PLA2G4A: variants seen among roughly 807,000 people sequenced by gnomAD.
PLA2G4A encodes the protein cytosolic phospholipase A2.
In PLA2G4A, 40 loss-of-function variants were observed where a neutral mutation model predicts 81.9. The ratio of observed to expected loss-of-function variants is 0.49; its 90% CI spans 0.38 to 0.64. The LOEUF (loss-of-function observed/expected upper bound fraction) is 0.64, where lower values mean the gene tolerates loss of function less well. Ranked by LOEUF, PLA2G4A falls within the 30% of genes least tolerant of loss-of-function variation. The pLI, the probability that PLA2G4A is intolerant of heterozygous loss-of-function variation, is 0.00. For synonymous variants in PLA2G4A, 302 were observed against 296.9 expected (o/e 1.02, Z -0.18); for missense variants, 715 against 905.1 (o/e 0.79, Z 2.69).
chr1:186,968,785 A>G (rs1312907944), intron 15 of PLA2G4A, among the ~76,000 whole-genome samples: 1 of 151,662 alleles, frequency 6.6e-6, no homozygotes, highest in African/African-American at 2.4e-5. Flanking sequence ...TCTAGTAAAT[A>G]TTTTCAGATT....
chr1:186,836,142 A>G (rs1248244011), intron 1 of PLA2G4A, among the ~76,000 whole-genome samples: 1 of 151,828 alleles, frequency 6.6e-6, no homozygotes, highest in East Asian at 1.9e-4. Context: ...TGATCAATAT[A>G]TTATGTATTA....
Position 186,862,263 on chromosome 1 carries a change from G to A in PLA2G4A, c.33+7876G>A, listed in dbSNP as rs113262151. On this transcript the variant is annotated intron_variant, in intron 2 of 17. Coordinates refer to ENST00000367466, the MANE Select transcript of PLA2G4A (RefSeq NM_024420.3). ...AGGGTCTCACACTGTCACCCAGGCT[G>A]GAGTGCAGTGGTGAGATCTTGGCTC... Among the ~76,000 whole-genome samples, 847 of 127,026 alleles carry A rather than the reference G, an allele frequency of 6.7e-3. 12 individuals carry two copies. Among genetic ancestry groups the A allele is most frequent in the African/African-American group, 0.025 (799 of 31,876 alleles). 83.3% of individuals were successfully genotyped at this position (127,026 alleles called of 152,430 possible). A position where few individuals can be genotyped will look rare whatever the true frequency, so the allele number is the denominator to read the frequency against.
In PLA2G4A at chr1:186,946,958, T is replaced by C. The variant is rs1172775590; in HGVS notation, c.1261T>C (p.Leu421=). 3 of 1,557,606 alleles carry C rather than the reference T, an allele frequency of 1.9e-6. No homozygotes were observed. Among genetic ancestry groups the C allele is most frequent in the South Asian group, 2.2e-5 (2 of 89,980 alleles). ...CAGAGGCTCCACAATGGAGGAAGAA[T>C]TAGGTATCCTAAAGATATGCTTACA... ...QSRGSTMEEE[L]ENITTKHIVS... is the part of the protein sequence containing the mutation. Residue 421 remains leucine (L), a synonymous_variant, in exon 12 of 18, where the codon TTA becomes CTA. Coordinates refer to ENST00000367466, the MANE Select transcript of PLA2G4A (RefSeq NM_024420.3).
At chr1:186,979,683 T>G (rs1353508757) in intron 17 of PLA2G4A, among the ~76,000 whole-genome samples, 1 of 152,178 alleles carries the variant, frequency 6.6e-6, no homozygotes, top group Non-Finnish European at 1.5e-5. Context: ...TGCTATTATT[T>G]TATTGAATGA....
At chr1:186,958,146 C>T (rs1656821042) in intron 14 of PLA2G4A, among the ~76,000 whole-genome samples, 1 of 151,938 alleles carries the variant, frequency 6.6e-6, no homozygotes, top group South Asian at 2.1e-4. Context: ...TTAGTGCAAA[C>T]TCATTATATT....
intron 10 of PLA2G4A, among the ~76,000 whole-genome samples, chr1:186,942,318 G>A (rs987509876): frequency 6.6e-6 from 1 of 152,102 alleles, no homozygotes; most frequent in African/African-American, 2.4e-5. Context: ...TTGCATGCTA[G>A]TCAGATTTTT....
At chr1:186,937,056 TCTCA>T (rs1228825822) in intron 8 of PLA2G4A, among the ~76,000 whole-genome samples, 1 of 151,310 alleles carries the variant, frequency 6.6e-6, no homozygotes, top group African/African-American at 2.4e-5. Context: ...TTTGAGATAA[TCTCA>T]CTCAGTTAGA....
intron 1 of PLA2G4A, among the ~76,000 whole-genome samples, chr1:186,846,570 T>C (rs1290802095): frequency 1.3e-5 from 2 of 152,158 alleles, no homozygotes; most frequent in African/African-American, 4.8e-5. Flanking sequence ...AAACTGACAT[T>C]GGTACAGTGC....
intron 15 of PLA2G4A, among the ~76,000 whole-genome samples, chr1:186,970,239 G>T (rs1191920808): frequency 6.6e-6 from 1 of 151,818 alleles, no homozygotes; most frequent in East Asian, 1.9e-4. Context: ...CAGATCTTTT[G>T]CCCGTTTAAA....
At position 186,967,458 on chromosome 1, in the gene PLA2G4A, A is replaced by C. The variant is rs4650711; in HGVS notation, c.1764+1865A>C. Among the ~76,000 whole-genome samples, 385 of 152,168 alleles carry C rather than the reference A, an allele frequency of 2.5e-3. 3 individuals are homozygous for C. In the East Asian group the frequency reaches 0.026, roughly 10 times the overall value. On this transcript the variant is annotated intron_variant, in intron 15 of 17. Transcript: ENST00000367466. ...GCTGCCTTCTTTGTGCACACTGTTCATGAACTCTTTTCTGTGTAGTGTGCT... is the reference window on the plus strand; with the variant it reads ...GCTGCCTTCTTTGTGCACACTGTTCCTGAACTCTTTTCTGTGTAGTGTGCT...
intron 2 of PLA2G4A, among the ~76,000 whole-genome samples, chr1:186,861,728 G>A (rs2102042191): frequency 6.6e-6 from 1 of 152,162 alleles, no homozygotes; most frequent in Middle Eastern, 3.4e-3. Flanking sequence ...AAATTCTAAT[G>A]TTGGAGTCTG....
chr1:186,959,234 G>A (rs1017819689), intron 14 of PLA2G4A, among the ~76,000 whole-genome samples: 2 of 152,006 alleles, frequency 1.3e-5, no homozygotes, highest in African/African-American at 4.8e-5. Flanking sequence ...AGTTGATTGC[G>A]GGTGTTCGCA....
chr1:186,848,467 CTT>C (rs1418190317), intron 1 of PLA2G4A, among the ~76,000 whole-genome samples: 2 of 152,122 alleles, frequency 1.3e-5, no homozygotes, highest in Non-Finnish European at 2.9e-5. Flanking sequence ...AGGAGAGAGA[CTT>C]TAACTCAACG....
intron 12 of PLA2G4A, among the ~76,000 whole-genome samples, chr1:186,947,516 T>C (rs1656387359): frequency 6.6e-6 from 1 of 152,216 alleles, no homozygotes; most frequent in African/African-American, 2.4e-5. Context: ...TTACAAAACC[T>C]GAGAAAGTAG....
intron 3 of PLA2G4A, among the ~76,000 whole-genome samples, chr1:186,892,071 T>G (rs1421881325): frequency 2.6e-5 from 4 of 152,326 alleles, no homozygotes; most frequent in African/African-American, 9.6e-5. Context: ...ATATGCTTGT[T>G]TCCCATTTGT....
At chr1:186,967,932 T>C (rs1229417979) in intron 15 of PLA2G4A, among the ~76,000 whole-genome samples, 1 of 152,024 alleles carries the variant, frequency 6.6e-6, no homozygotes. Flanking sequence ...AGTTGGAGAA[T>C]GGAAGGCAAG....
intron 6 of PLA2G4A, among the ~76,000 whole-genome samples, chr1:186,910,021 A>G (rs866971716): frequency 2.0e-5 from 3 of 152,270 alleles, no homozygotes; most frequent in Middle Eastern, 3.4e-3. Context: ...TATTTAAAAT[A>G]TTTTAATATC....
At chr1:186,891,353 T>C (rs1483377543) in intron 3 of PLA2G4A, among the ~76,000 whole-genome samples, 2 of 152,190 alleles carry the variant, frequency 1.3e-5, no homozygotes, top group African/African-American at 4.8e-5. Flanking sequence ...TAGGTTATTA[T>C]TGACTATCGT....
intron 3 of PLA2G4A, among the ~76,000 whole-genome samples, chr1:186,886,179 A>G (rs1558401314): frequency 6.6e-6 from 1 of 152,154 alleles, no homozygotes; most frequent in African/African-American, 2.4e-5. Context: ...TAATATAAAA[A>G]TATTATAATT....
Sources: gnomAD v4.1 joint callset for allele counts (sites outside exome capture counted in the v4.1 genomes callset) on GRCh38, gnomAD v4.1.1 for gene constraint, MANE v1.5 for transcripts, NCBI Gene and HGNC (gene_info 2026-07-23, HGNC 2026-07-21) for gene names.